The following AFF1 variants were observed in gnomAD, a reference collection of about 807,000 sequenced individuals.
AFF1 encodes AF4/FMR2 family member 1.
AFF1 carries 48 observed loss-of-function variants against 121.7 expected under a neutral mutation model. That is an observed-to-expected ratio of 0.39 (90% CI 0.31 to 0.50). AFF1 has a LOEUF of 0.50. Ranked by LOEUF, AFF1 falls within the 20% of genes least tolerant of loss-of-function variation. The pLI is 0.76. For synonymous variants in AFF1, 613 were observed against 563.0 expected, an observed-to-expected ratio of 1.09 and a Z score of -1.26; for missense variants, 1,523 against 1,511.7, an observed-to-expected ratio of 1.01 and a Z score of -0.12.
intron 4 of AFF1, among the ~76,000 whole-genome samples, chr4:87,062,175 G>A (rs1422749936): frequency 2.0e-5 from 3 of 152,168 alleles, no homozygotes; most frequent in Non-Finnish European, 4.4e-5. Context: ...ACCTTAGACT[G>A]GGTAATTTAT....
intron 2 of AFF1, among the ~76,000 whole-genome samples, chr4:87,041,345 T>C (rs1314353925): frequency 6.6e-6 from 1 of 152,174 alleles, no homozygotes; most frequent in East Asian, 1.9e-4. Context: ...GCTGCTGCTG[T>C]TATCATTGCT....
At chr4:87,005,278 C>T (rs1376744537) in intron 2 of AFF1, among the ~76,000 whole-genome samples, 2 of 152,186 alleles carry the variant, frequency 1.3e-5, no homozygotes, top group African/African-American at 4.8e-5. Context: ...TGCACCTGGC[C>T]TACCCATGTA....
intron 2 of AFF1, among the ~76,000 whole-genome samples, chr4:87,029,586 G>A (rs1030651995): frequency 1.3e-5 from 2 of 152,132 alleles, no homozygotes; most frequent in Non-Finnish European, 2.9e-5. Context: ...GATAGCACAG[G>A]GAAGTTGGAT....
chr4:87,136,845 G>GAAGTT lies in AFF1; in HGVS notation c.*1147_*1151dup, dbSNP rs781345847. On this transcript the variant is annotated 3_prime_UTR_variant, in exon 21 of 21. Coordinates refer to ENST00000395146, the MANE Select transcript of AFF1 (RefSeq NM_001166693.3). ...TTTCAGAGTCCTTGATTGTCTAGGG[G>GAAGTT]AAGTTAACTCCCTGAGAGGATGTAG... The GAAGTT allele has an allele frequency of 1.3e-4, 28 of 221,204 alleles. No homozygotes were observed. Among genetic ancestry groups the GAAGTT allele is most frequent in the Middle Eastern group, 1.4e-3 (1 of 720 alleles). The allele number at this position is 221,204 out of a possible 1,614,324, so 13.7% of individuals were successfully genotyped here. A position where few individuals can be genotyped will look rare whatever the true frequency, so the allele number is the denominator to read the frequency against.
intron 2 of AFF1, among the ~76,000 whole-genome samples, chr4:86,969,001 C>G (rs1253397788): frequency 6.6e-6 from 1 of 152,056 alleles, no homozygotes; most frequent in African/African-American, 2.4e-5. Context: ...AGAGAAGGGG[C>G]CATTTTGTAG....
chr4:87,088,141 C>T (rs950914994), intron 5 of AFF1, among the ~76,000 whole-genome samples: 1 of 146,734 alleles, frequency 6.8e-6, no homozygotes, highest in African/African-American at 2.6e-5. Flanking sequence ...CTTACTTAGG[C>T]TGACATGGCT....
intron 1 of AFF1, among the ~76,000 whole-genome samples, chr4:86,946,192 A>G (rs1720843743): frequency 1.3e-5 from 2 of 152,072 alleles, no homozygotes; most frequent in Non-Finnish European, 2.9e-5. Context: ...GTCTTTGCTC[A>G]AATGTTGTGT....
chr4:87,010,920 C>CA (rs538460927), intron 2 of AFF1, among the ~76,000 whole-genome samples: 2,079 of 150,760 alleles, frequency 0.014, 27 homozygotes, highest in Non-Finnish European at 0.021. Context: ...ACTAAAAATA[C>CA]AAAAAAAAAT....
chr4:87,135,633 T>C lies in AFF1; in HGVS notation c.3589T>C (p.Leu1197=). The change falls in exon 21 of 21, where the codon TTG becomes CTG. Residue 1197 remains leucine, a synonymous_variant. Coordinates refer to ENST00000395146, the MANE Select transcript of AFF1 (RefSeq NM_001166693.3). ...GTGCACCTTGGCCCTCAACAGCAGT[T>C]TGGTGGACCTGGTGCACTATACACG... ...NVCTLALNSS[L]VDLVHYTRQG... is the part of the protein sequence containing the mutation. The C allele has an allele frequency of 1.2e-6, 2 of 1,612,700 alleles. No individual in the cohort carries two copies. Among genetic ancestry groups the C allele is most frequent in the Non-Finnish European group, 1.7e-6 (2 of 1,179,292 alleles).
intron 2 of AFF1, among the ~76,000 whole-genome samples, chr4:87,012,701 G>T (rs1688536037): frequency 6.6e-6 from 1 of 152,138 alleles, no homozygotes; most frequent in Admixed American, 6.5e-5. Context: ...AAGTACAAAT[G>T]TATCAGATGA....
At chr4:87,003,838 AAAAG>A (rs1313363357) in intron 2 of AFF1, among the ~76,000 whole-genome samples, 1 of 152,252 alleles carries the variant, frequency 6.6e-6, no homozygotes, top group Non-Finnish European at 1.5e-5. Context: ...TTACTATTGC[AAAAG>A]AAAATATGCG....
At position 87,062,526 on chromosome 4, in the gene AFF1, AAT is replaced by A. The variant is rs569780343; in HGVS notation, c.1059+14937_1059+14938del. Reference sequence around the variant, plus strand: ...TTATCGATGCTTTTTTCAGCTGTAAAATATATGTTTTTTTTCCAAAAGAGTTT... The same window carrying A: ...TTATCGATGCTTTTTTCAGCTGTAAAATATGTTTTTTTTCCAAAAGAGTTT... On this transcript the variant is annotated intron_variant, in intron 4 of 20. Transcript: ENST00000395146. 4.1e-4 allele frequency among the ~76,000 whole-genome samples: 62 copies of A among 151,650 alleles called. 1 individual carries two copies. In the South Asian group the frequency reaches 0.012, roughly 29 times the overall value.
chr4:87,133,341 G>C (rs1690126240), intron 19 of AFF1, among the ~76,000 whole-genome samples: 1 of 152,140 alleles, frequency 6.6e-6, no homozygotes, highest in Non-Finnish European at 1.5e-5. Context: ...TCCTTGTGAA[G>C]TTCCTAGTTC....
At chr4:87,102,927 C>T (rs1392666175) in intron 8 of AFF1, among the ~76,000 whole-genome samples, 7 of 152,156 alleles carry the variant, frequency 4.6e-5, no homozygotes, top group African/African-American at 1.7e-4. Context: ...GCTTCAAATA[C>T]AGTTTGTGGG....
At chr4:87,036,043 CAGG>C (rs1729533067) in intron 2 of AFF1, among the ~76,000 whole-genome samples, 1 of 152,106 alleles carries the variant, frequency 6.6e-6, no homozygotes, top group African/African-American at 2.4e-5. Context: ...ACCAGAAGAG[CAGG>C]AGAAGAGCCA....
At chr4:87,022,032 A>G (rs982873862) in intron 2 of AFF1, among the ~76,000 whole-genome samples, 10 of 152,062 alleles carry the variant, frequency 6.6e-5, no homozygotes, top group Admixed American at 5.2e-4. Flanking sequence ...GTGAAACTCC[A>G]TCTCTACTAA....
chr4:87,089,267 C>A (rs933664695), intron 5 of AFF1, among the ~76,000 whole-genome samples: 2 of 152,066 alleles, frequency 1.3e-5, no homozygotes, highest in Non-Finnish European at 2.9e-5. Flanking sequence ...TTCTGACATA[C>A]CTGTTTTCAA....
intron 2 of AFF1, among the ~76,000 whole-genome samples, chr4:86,996,922 AT>A (rs930247396): frequency 6.1e-4 from 92 of 151,802 alleles, no homozygotes; most frequent in African/African-American, 1.9e-3. Flanking sequence ...ATTTAATTTT[AT>A]TTTTTTGAGA....
At chr4:87,067,614 T>C (rs1439067356) in intron 4 of AFF1, among the ~76,000 whole-genome samples, 1 of 152,218 alleles carries the variant, frequency 6.6e-6, no homozygotes, top group Non-Finnish European at 1.5e-5. Flanking sequence ...TGGATGTGTT[T>C]TTAGTGGCAA....
Sources: allele counts gnomAD v4.1 joint callset (sites outside exome capture counted in the v4.1 genomes callset), GRCh38; gene constraint gnomAD v4.1.1; transcripts MANE v1.5; gene names NCBI Gene and HGNC (gene_info 2026-07-23, HGNC 2026-07-21).